Variants in GRK3 observed in about 807,000 individuals in gnomAD.
GRK3 encodes adrenergic, beta, receptor kinase 2.
A neutral mutation model predicts 95.7 loss-of-function variants in GRK3; 54 were observed. That is an observed-to-expected ratio of 0.56 (90% CI 0.45 to 0.71). The LOEUF (loss-of-function observed/expected upper bound fraction) is 0.71, where lower values mean the gene tolerates loss of function less well. Ranked by LOEUF, GRK3 falls within the 30% of genes least tolerant of loss-of-function variation. The pLI, the probability that GRK3 is intolerant of heterozygous loss-of-function variation, is 0.00. For synonymous variants in GRK3, 281 were observed against 290.8 expected, an observed-to-expected ratio of 0.97 and a Z score of 0.34; for missense variants, 649 against 851.2, an observed-to-expected ratio of 0.76 and a Z score of 2.96.
At chr22:25,602,058 A>C (rs1279881765) in intron 1 of GRK3, among the ~76,000 whole-genome samples, 1 of 152,208 alleles carries the variant, frequency 6.6e-6, no homozygotes, top group African/African-American at 2.4e-5. Context: ...CTGGGAGAAA[A>C]TCTTAGCATC....
chr22:25,612,678 C>T (rs183630634), intron 2 of GRK3, among the ~76,000 whole-genome samples: 4 of 151,932 alleles, frequency 2.6e-5, no homozygotes, highest in Non-Finnish European at 4.4e-5. Flanking sequence ...TGGTCTCAAA[C>T]ATATTTAGCA....
At chr22:25,569,195 C>G (rs1194811034) in intron 1 of GRK3, among the ~76,000 whole-genome samples, 1 of 152,162 alleles carries the variant, frequency 6.6e-6, no homozygotes. Context: ...GAAAGTATTC[C>G]TTATTATTGA....
chr22:25,720,040 C>A (rs937251174), intron 19 of GRK3, among the ~76,000 whole-genome samples: 1 of 151,970 alleles, frequency 6.6e-6, no homozygotes, highest in Admixed American at 6.6e-5. Flanking sequence ...TTTTGGGGAC[C>A]TGAAGTGTAA....
At chr22:25,599,214 T>G (rs1320129272) in intron 1 of GRK3, among the ~76,000 whole-genome samples, 1 of 152,166 alleles carries the variant, frequency 6.6e-6, no homozygotes, top group Non-Finnish European at 1.5e-5. Context: ...ATAAATTGGG[T>G]TTAATCAAAA....
rs2085257184 is a variant in GRK3, at chr22:25,701,299, A to G, written c.1161-2211A>G. On this transcript the variant is annotated intron_variant, in intron 13 of 20. Transcript: ENST00000324198. ...ACTCAGAATGGAGATTATTACTATCATAGGTTTTCTTTAACGTTTTTCAAA... is the reference window on the plus strand; with the variant it reads ...ACTCAGAATGGAGATTATTACTATCGTAGGTTTTCTTTAACGTTTTTCAAA... 2.0e-5 allele frequency among the ~76,000 whole-genome samples: 3 copies of G among 152,214 alleles called. No homozygotes were observed. The South Asian group carries it at 6.2e-4, about 31-fold the overall frequency.
chr22:25,711,499 C>A (rs2085343453), intron 17 of GRK3, among the ~76,000 whole-genome samples: 1 of 152,110 alleles, frequency 6.6e-6, no homozygotes. Context: ...AGCCAGCTGT[C>A]TCAATTCTTC....
At chr22:25,620,004 T>C (rs1377681186) in intron 2 of GRK3, among the ~76,000 whole-genome samples, 9 of 120,460 alleles carry the variant, frequency 7.5e-5, no homozygotes, top group African/African-American at 2.7e-4. Context: ...CCTTTGTCTT[T>C]TTTGTGTGTG....
chr22:25,649,032 G>GA (rs1195408877), intron 3 of GRK3: 277 of 1,340,178 alleles, frequency 2.1e-4, no homozygotes, highest in Non-Finnish European at 1.8e-4. Flanking sequence ...TCCAGGTATG[G>GA]TGAACCATGA....
chr22:25,715,378 G>A (rs1231142000), intron 18 of GRK3, among the ~76,000 whole-genome samples: 1 of 152,106 alleles, frequency 6.6e-6, no homozygotes, highest in African/African-American at 2.4e-5. Context: ...CAGGTGTGGT[G>A]GCATGCACCT....
At chr22:25,715,995 T>C (rs1422398847) in intron 18 of GRK3, among the ~76,000 whole-genome samples, 1 of 151,618 alleles carries the variant, frequency 6.6e-6, no homozygotes, top group Non-Finnish European at 1.5e-5. Flanking sequence ...TAAGCTCTTC[T>C]TTTTTTTTCT....
At chr22:25,582,318 TCA>T (rs1428977287) in intron 1 of GRK3, among the ~76,000 whole-genome samples, 8 of 150,966 alleles carry the variant, frequency 5.3e-5, no homozygotes, top group African/African-American at 1.9e-4. Flanking sequence ...AAACCGGGCC[TCA>T]CTAAGTAATT....
At chr22:25,667,370 T>A (rs925854239) in intron 5 of GRK3, among the ~76,000 whole-genome samples, 2 of 152,122 alleles carry the variant, frequency 1.3e-5, no homozygotes, top group Non-Finnish European at 2.9e-5. Flanking sequence ...ACAAAAATGA[T>A]TAAGAATTTC....
rs1444003565 is a variant in GRK3 at position 25,725,197 on chromosome 22, TATTACAC to T, written c.*2748_*2754del. On this transcript the variant is annotated 3_prime_UTR_variant, in exon 21 of 21. Transcript: ENST00000324198. ...TACATAATTCCTAGATGTTCACCCT[TATTACAC>T]TCCAACTATTAAAAAGGTCAAAATT... is the stretch of plus-strand genomic sequence containing the variant. The T allele has an allele frequency of 5.5e-6, 1 of 180,664 alleles. No individual in the cohort carries two copies. The allele number at this position is 180,664 out of a possible 1,614,324, so 11.2% of individuals were successfully genotyped here. A position where few individuals can be genotyped will look rare whatever the true frequency, so the allele number is the denominator to read the frequency against.
At chr22:25,647,885 C>A (rs1167890328) in intron 3 of GRK3, 2 of 617,176 alleles carry the variant, frequency 3.2e-6, no homozygotes, top group East Asian at 6.7e-5. Context: ...CCGAGTTGGG[C>A]GGATCACCTG....
chr22:25,641,275 A>C (rs1235728367), intron 2 of GRK3, among the ~76,000 whole-genome samples: 2 of 152,054 alleles, frequency 1.3e-5, no homozygotes, highest in Non-Finnish European at 2.9e-5. Context: ...TTGGGTGTTC[A>C]TTCATTCAAC....
intron 2 of GRK3, among the ~76,000 whole-genome samples, chr22:25,609,685 A>G (rs1287811854): frequency 6.6e-6 from 1 of 152,144 alleles, no homozygotes; most frequent in East Asian, 1.9e-4. Context: ...TGTATAAAGA[A>G]CGTGGTAATA....
At chr22:25,585,501 T>C (rs531025369) in intron 1 of GRK3, among the ~76,000 whole-genome samples, 19 of 152,290 alleles carry the variant, frequency 1.2e-4, no homozygotes, top group African/African-American at 4.1e-4. Flanking sequence ...TCATGTGAGA[T>C]AATTATACAC....
At chr22:25,601,104 G>T (rs2084406593) in intron 1 of GRK3, among the ~76,000 whole-genome samples, 1 of 152,128 alleles carries the variant, frequency 6.6e-6, no homozygotes, top group South Asian at 2.1e-4. Context: ...TATAGAAAAA[G>T]TAGACAGAAA....
At chr22:25,582,571 T>C (rs1743947593) in intron 1 of GRK3, among the ~76,000 whole-genome samples, 2 of 152,056 alleles carry the variant, frequency 1.3e-5, no homozygotes, top group Admixed American at 1.3e-4. Flanking sequence ...TGGGCAAAAA[T>C]AACCAATATA....
Sources: allele counts gnomAD v4.1 joint callset (sites outside exome capture counted in the v4.1 genomes callset), GRCh38; gene constraint gnomAD v4.1.1; transcripts MANE v1.5; gene names NCBI Gene and HGNC (gene_info 2026-07-23, HGNC 2026-07-21).